Variants in SLX4IP observed in about 807,000 individuals in gnomAD.
SLX4IP encodes the protein SLX4 interacting protein, also known as protein SLX4IP.
In SLX4IP, 34 loss-of-function variants were observed where a neutral mutation model predicts 32.9. The ratio of observed to expected loss-of-function variants is 1.03; its 90% CI spans 0.79 to 1.38. The LOEUF is 1.38. SLX4IP is among the 40% of genes most tolerant of loss of function. The pLI is 0.00. For missense variants in SLX4IP, 444 were observed against 479.0 expected (o/e 0.93, Z 0.68); for synonymous variants, 172 against 171.7 (o/e 1.00, Z -0.01).
chr20:10,483,595 T>C (rs1285879586), intron 2 of SLX4IP, among the ~76,000 whole-genome samples: 1 of 152,160 alleles, frequency 6.6e-6, no homozygotes, highest in African/African-American at 2.4e-5. Context: ...CATATTACAA[T>C]TTAATTTTAA....
At chr20:10,598,144 T>C (rs928652907) in intron 4 of SLX4IP, among the ~76,000 whole-genome samples, 4 of 152,220 alleles carry the variant, frequency 2.6e-5, no homozygotes, top group Non-Finnish European at 4.4e-5. Flanking sequence ...TTGAAGTAAC[T>C]GAGGGACTTC....
chr20:10,528,171 G>A (rs2122459727), intron 2 of SLX4IP, among the ~76,000 whole-genome samples: 1 of 152,150 alleles, frequency 6.6e-6, no homozygotes, highest in Non-Finnish European at 1.5e-5. Flanking sequence ...ATGGTTTTAA[G>A]CTCCTAGAAT....
intron 6 of SLX4IP, chr20:10,614,322 A>G (rs2067001962): frequency 1.7e-6 from 1 of 582,502 alleles, no homozygotes; most frequent in Non-Finnish European, 3.0e-6. Context: ...AAGACATTGA[A>G]TAGCTTTTTT....
intron 5 of SLX4IP, among the ~76,000 whole-genome samples, chr20:10,600,272 A>G (rs2066825870): frequency 6.6e-6 from 1 of 152,174 alleles, no homozygotes; most frequent in African/African-American, 2.4e-5. Context: ...AAAAAAACCC[A>G]GGCCCCCACC....
At chr20:10,556,189 A>G in intron 2 of SLX4IP, 42 bp from the exon 3 acceptor site, 5 of 1,561,890 alleles carry the variant, frequency 3.2e-6, no homozygotes, top group South Asian at 2.4e-5. Context: ...TTTGCTGGGC[A>G]TGAGCCGCAC....
intron 2 of SLX4IP, among the ~76,000 whole-genome samples, chr20:10,477,985 G>A (rs1193744956): frequency 2.0e-5 from 3 of 148,030 alleles, no homozygotes; most frequent in African/African-American, 5.0e-5. Context: ...TGCAACCTCC[G>A]CTTCCCAGGT....
chr20:10,595,512 C>G (rs1373275062), intron 4 of SLX4IP, among the ~76,000 whole-genome samples: 2 of 152,172 alleles, frequency 1.3e-5, no homozygotes, highest in African/African-American at 4.8e-5. Flanking sequence ...CTTTTGGATC[C>G]TTTGCCAAAT....
At chr20:10,588,861 T>C (rs1251837892) in intron 4 of SLX4IP, among the ~76,000 whole-genome samples, 1 of 152,194 alleles carries the variant, frequency 6.6e-6, no homozygotes, top group Non-Finnish European at 1.5e-5. Context: ...GGGAATCTAA[T>C]GTACACTGTG....
chr20:10,521,870 G>A (rs1297533000), intron 2 of SLX4IP, among the ~76,000 whole-genome samples: 2 of 152,230 alleles, frequency 1.3e-5, no homozygotes, highest in Non-Finnish European at 2.9e-5. Context: ...AGGGAGTGCA[G>A]AGATGGGCAC....
intron 2 of SLX4IP, among the ~76,000 whole-genome samples, chr20:10,459,658 T>C (rs1000110248): frequency 1.3e-5 from 2 of 152,258 alleles, no homozygotes; most frequent in African/African-American, 4.8e-5. Flanking sequence ...GCAAATTCTC[T>C]ACCTGGGTAA....
At chr20:10,452,957 G>A (rs1345800036) in intron 1 of SLX4IP, among the ~76,000 whole-genome samples, 1 of 151,968 alleles carries the variant, frequency 6.6e-6, no homozygotes. Flanking sequence ...TATAGCTATT[G>A]TGGTTGTTAT....
intron 2 of SLX4IP, among the ~76,000 whole-genome samples, chr20:10,461,793 T>G (rs1600895339): frequency 6.6e-6 from 1 of 152,182 alleles, no homozygotes; most frequent in Non-Finnish European, 1.5e-5. Flanking sequence ...TTTTTTCCTC[T>G]CTGAAACAGG....
chr20:10,618,659 T>A (rs1568776449), intron 6 of SLX4IP, among the ~76,000 whole-genome samples: 1 of 152,190 alleles, frequency 6.6e-6, no homozygotes, highest in Non-Finnish European at 1.5e-5. Context: ...TCTTTGAATA[T>A]GTTGGGTTTA....
intron 3 of SLX4IP, among the ~76,000 whole-genome samples, chr20:10,559,150 C>T (rs766369187): frequency 2.0e-5 from 3 of 151,602 alleles, no homozygotes; most frequent in African/African-American, 7.3e-5. Flanking sequence ...ACCTATGAGG[C>T]GGCAAGGCTG....
chr20:10,561,221 CTT>C (rs1226709968), intron 4 of SLX4IP, among the ~76,000 whole-genome samples: 1 of 151,960 alleles, frequency 6.6e-6, no homozygotes, highest in Non-Finnish European at 1.5e-5. Flanking sequence ...TTTATCATTT[CTT>C]TGTGTTGTGA....
intron 4 of SLX4IP, among the ~76,000 whole-genome samples, chr20:10,583,198 T>A (rs2066604838): frequency 6.6e-6 from 1 of 152,218 alleles, no homozygotes; most frequent in Non-Finnish European, 1.5e-5. Context: ...TCATTTAATT[T>A]TATATATAAA....
chr20:10,520,381 C>T (rs1255047900), intron 2 of SLX4IP, among the ~76,000 whole-genome samples: 1 of 152,136 alleles, frequency 6.6e-6, no homozygotes, highest in Non-Finnish European at 1.5e-5. Context: ...GGTTATTTAT[C>T]TTTTTATTGT....
chr20:10,501,596 G>A (rs1311991329), intron 2 of SLX4IP, among the ~76,000 whole-genome samples: 3 of 152,178 alleles, frequency 2.0e-5, no homozygotes, highest in Admixed American at 1.3e-4. Flanking sequence ...CCTCCTCTCC[G>A]CTGTTGCCAC....
At chr20:10,445,094 G>A (rs543787617) in intron 1 of SLX4IP, among the ~76,000 whole-genome samples, 1 of 152,166 alleles carries the variant, frequency 6.6e-6, no homozygotes, top group South Asian at 2.1e-4. Context: ...AGAATAGTGA[G>A]GGACATGCCC....
Sources: gnomAD v4.1 joint callset for allele counts (sites outside exome capture counted in the v4.1 genomes callset) on GRCh38, gnomAD v4.1.1 for gene constraint, MANE v1.5 for transcripts, NCBI Gene and HGNC (gene_info 2026-07-23, HGNC 2026-07-21) for gene names.